COL5A2: variants seen among roughly 807,000 people sequenced by gnomAD.
COL5A2 encodes collagen alpha-2(V) chain.
COL5A2 carries 23 observed loss-of-function variants against 208.2 expected under a neutral mutation model. The observed-to-expected ratio is 0.11, with a 90% confidence interval of 0.08 to 0.16. The LOEUF (loss-of-function observed/expected upper bound fraction) is 0.16, where lower values mean the gene tolerates loss of function less well. Ranked by LOEUF, COL5A2 falls within the 10% of genes least tolerant of loss-of-function variation. The probability of loss-of-function intolerance (pLI) is 1.00; values close to 1 mark genes in which losing one functional copy is unlikely to be tolerated. For synonymous variants in COL5A2, 625 were observed against 628.5 expected, an observed-to-expected ratio of 0.99 and a Z score of 0.08; for missense variants, 1,590 against 1,956.4, an observed-to-expected ratio of 0.81 and a Z score of 3.53.
chr2:189,322,550 T>A, the COL5A2 span, among the ~76,000 whole-genome samples: 1 of 152,104 alleles, frequency 6.6e-6, no homozygotes, highest in Non-Finnish European at 1.5e-5. Flanking sequence ...TATAAACACC[T>A]CTACGCAAAT....
At chr2:189,260,541 A>G in the COL5A2 span, among the ~76,000 whole-genome samples, 11 of 152,202 alleles carry the variant, frequency 7.2e-5, no homozygotes, top group African/African-American at 2.4e-4. Context: ...AGGCTGAGAA[A>G]TGATGTGTTC....
At chr2:189,222,834 G>T (rs963097726) in intron 1 of COL5A2, among the ~76,000 whole-genome samples, 1 of 152,104 alleles carries the variant, frequency 6.6e-6, no homozygotes, top group Non-Finnish European at 1.5e-5. Context: ...GTTACAGGCT[G>T]AATACAGTAT....
At chr2:189,184,497 G>A (rs1688822133), upstream of COL5A2, among the ~76,000 whole-genome samples, 2 of 152,104 alleles carry the variant, frequency 1.3e-5, 1 homozygote, top group South Asian at 4.1e-4. Flanking sequence ...TCCTTTTTGG[G>A]GTGCTTGGGG....
chr2:189,261,303 C>A, the COL5A2 span, among the ~76,000 whole-genome samples: 1 of 152,266 alleles, frequency 6.6e-6, no homozygotes, highest in Non-Finnish European at 1.5e-5. Context: ...ATTCTGATAT[C>A]TACATACATA....
the COL5A2 span, among the ~76,000 whole-genome samples, chr2:189,258,468 A>C: frequency 6.6e-6 from 1 of 152,236 alleles, no homozygotes; most frequent in Admixed American, 6.5e-5. Context: ...CATCTTAGCT[A>C]AAAACATCTG....
At chr2:189,369,126 T>C in the COL5A2 span, among the ~76,000 whole-genome samples, 1 of 152,128 alleles carries the variant, frequency 6.6e-6, no homozygotes, top group Non-Finnish European at 1.5e-5. Flanking sequence ...ATGAAATATA[T>C]AAGCATTTGT....
intron 1 of COL5A2, among the ~76,000 whole-genome samples, chr2:189,209,095 C>T (rs1689177142): frequency 6.6e-6 from 1 of 152,122 alleles, no homozygotes. Flanking sequence ...AAACTTCAGC[C>T]TTCTGCCTCT....
chr2:189,229,127 C>T (rs1222984592), upstream of COL5A2, among the ~76,000 whole-genome samples: 1 of 151,558 alleles, frequency 6.6e-6, no homozygotes, highest in Non-Finnish European at 1.5e-5. Context: ...GATAAAGACT[C>T]CACGAACTAG....
intron 13 of COL5A2, among the ~76,000 whole-genome samples, chr2:189,080,686 C>T (rs1288153428): frequency 6.6e-6 from 1 of 152,144 alleles, no homozygotes; most frequent in Non-Finnish European, 1.5e-5. Flanking sequence ...ACCTTTTCAT[C>T]CGTATCCCCC....
intron 1 of COL5A2, among the ~76,000 whole-genome samples, chr2:189,171,061 T>C (rs1688564180): frequency 6.6e-6 from 1 of 152,018 alleles, no homozygotes. Flanking sequence ...AGAATGTCAG[T>C]TCTGGGTGGA....
chr2:189,036,954 T>TA, intron 51 of COL5A2, 151 bp from the exon 52 acceptor site: 1 of 672,446 alleles, frequency 1.5e-6, no homozygotes, highest in Non-Finnish European at 2.5e-6. Flanking sequence ...AAGTAACCGG[T>TA]ATGCATTGGG....
intron 1 of COL5A2, among the ~76,000 whole-genome samples, chr2:189,137,284 G>A (rs1165986408): frequency 3.3e-5 from 5 of 152,172 alleles, no homozygotes; most frequent in African/African-American, 1.2e-4. Flanking sequence ...TCTTACATGA[G>A]AGATGTCTTC....
the COL5A2 span, among the ~76,000 whole-genome samples, chr2:189,409,987 T>C: frequency 6.6e-6 from 1 of 152,166 alleles, no homozygotes; most frequent in Admixed American, 6.5e-5. Flanking sequence ...TATGAAAGCT[T>C]CTCTCTTAGA....
At chr2:189,132,479 T>C (rs1164341922) in intron 1 of COL5A2, among the ~76,000 whole-genome samples, 1 of 152,256 alleles carries the variant, frequency 6.6e-6, no homozygotes, top group East Asian at 1.9e-4. Flanking sequence ...AATGTACTTT[T>C]ATTTAAGTCA....
intron 1 of COL5A2, among the ~76,000 whole-genome samples, chr2:189,117,194 C>G (rs996933252): frequency 6.6e-6 from 1 of 152,172 alleles, no homozygotes; most frequent in Non-Finnish European, 1.5e-5. Flanking sequence ...ACATACTGCA[C>G]ATGCAATGCT....
the COL5A2 span, among the ~76,000 whole-genome samples, chr2:189,330,622 G>C: frequency 6.6e-6 from 1 of 152,162 alleles, no homozygotes; most frequent in Admixed American, 6.5e-5. Flanking sequence ...GACAACATGA[G>C]TGAAAAACAT....
the COL5A2 span, among the ~76,000 whole-genome samples, chr2:189,310,499 T>G: frequency 6.6e-6 from 1 of 152,220 alleles, no homozygotes; most frequent in Non-Finnish European, 1.5e-5. Context: ...ACAACCACTA[T>G]GGGGAACAGT....
chr2:189,249,745 G>A, the COL5A2 span, among the ~76,000 whole-genome samples: 5 of 152,350 alleles, frequency 3.3e-5, no homozygotes, highest in East Asian at 9.6e-4. Context: ...CACTCAGGCT[G>A]GAGTGCAGTG....
chr2:189,057,824 G>A (rs1170622225), intron 33 of COL5A2, among the ~76,000 whole-genome samples: 2 of 152,082 alleles, frequency 1.3e-5, no homozygotes, highest in Non-Finnish European at 2.9e-5. Context: ...GGCTAATATA[G>A]TGTCTAAATT....
Sources: gnomAD v4.1 joint callset for allele counts (sites outside exome capture counted in the v4.1 genomes callset) on GRCh38, gnomAD v4.1.1 for gene constraint, MANE v1.5 for transcripts, NCBI Gene and HGNC (gene_info 2026-07-23, HGNC 2026-07-21) for gene names.